Variants in THOC2 observed in about 807,000 individuals in gnomAD.
THOC2 encodes THO complex subunit 2.
A neutral mutation model predicts 128.4 loss-of-function variants in THOC2; 10 were observed. The observed-to-expected ratio is 0.08, with a 90% CI of 0.05 to 0.13. The LOEUF (loss-of-function observed/expected upper bound fraction) is 0.13. THOC2 is among the 10% of genes least tolerant of loss of function. The pLI is 1.00. For missense variants in THOC2, 535 were observed against 1,155.7 expected, an observed-to-expected ratio of 0.46 and a Z score of 7.79; for synonymous variants, 393 against 396.9, an observed-to-expected ratio of 0.99 and a Z score of 0.12.
At chrX:123,619,513 G>A in intron 32 of THOC2, 77 bp from the exon 33 acceptor site, 1 of 1,145,173 alleles carries the variant, frequency 8.7e-7, no homozygotes. Context: ...AAGTATGGCT[G>A]TAACCTGGAA....
At chrX:123,690,812 C>T (rs2050190625) in intron 7 of THOC2, among the ~76,000 whole-genome samples, 1 of 111,638 alleles carries the variant, frequency 9.0e-6, no homozygotes, top group African/African-American at 3.2e-5. Context: ...TCTTTAGAAG[C>T]TAATAAAAAT....
At chrX:123,666,207 A>T (rs191711727) in intron 11 of THOC2, among the ~76,000 whole-genome samples, 1 of 112,447 alleles carries the variant, frequency 8.9e-6, no homozygotes, top group East Asian at 2.8e-4. Flanking sequence ...ATGGGCAACA[A>T]GGGATGGACC....
intron 1 of THOC2, among the ~76,000 whole-genome samples, chrX:123,717,749 A>G (rs1268322428): frequency 9.0e-6 from 1 of 110,632 alleles, no homozygotes; most frequent in African/African-American, 3.3e-5. Flanking sequence ...GAAAAAAGCT[A>G]AAGTATCACA....
In THOC2 at chrX:123,655,031, C is replaced by T. The variant is rs745356550; in HGVS notation, c.1387-9656G>A. 2.7e-5 allele frequency among the ~76,000 whole-genome samples: 3 copies of T among 110,308 alleles called. No homozygotes were observed. In the Admixed American group the frequency reaches 2.9e-4, roughly 11 times the overall value. On this transcript the variant is annotated intron_variant, in intron 12 of 38. Coordinates refer to ENST00000245838, the MANE Select transcript of THOC2 (RefSeq NM_001081550.2). ...TTACTAATGATCTATTTTTCGTATC[C>T]CTGCCCCTTGAACATTTCAAACACT... is the stretch of plus-strand genomic sequence containing the variant.
intron 1 of THOC2, among the ~76,000 whole-genome samples, chrX:123,716,558 T>C (rs1447991753): frequency 9.1e-6 from 1 of 109,855 alleles, no homozygotes; most frequent in Non-Finnish European, 1.9e-5. Flanking sequence ...TCTCCGTCTC[T>C]ACTAAAAATA....
chrX:123,695,492 C>T (rs1603307699), intron 7 of THOC2, among the ~76,000 whole-genome samples: 1 of 111,886 alleles, frequency 8.9e-6, no homozygotes, highest in Admixed American at 9.5e-5. Context: ...CTTTAAAAGG[C>T]TACTATAAAG....
At chrX:123,724,634 A>G (rs150663082) in intron 1 of THOC2, among the ~76,000 whole-genome samples, 1,159 of 111,822 alleles carry the variant, frequency 0.01, 8 homozygotes, top group Middle Eastern at 0.032. Context: ...GCAGTGAGCC[A>G]AGACTGCATC....
At chrX:123,643,110 G>A (rs1603263446) in intron 15 of THOC2, among the ~76,000 whole-genome samples, 1 of 111,460 alleles carries the variant, frequency 9.0e-6, no homozygotes, top group African/African-American at 3.3e-5. Flanking sequence ...CAGATGGAAA[G>A]GGGGAAAGGA....
intron 4 of THOC2, among the ~76,000 whole-genome samples, chrX:123,700,603 A>G (rs1400745844): frequency 9.4e-6 from 1 of 106,748 alleles, no homozygotes; most frequent in African/African-American, 3.4e-5. Context: ...GTGCAGCACT[A>G]ATTTCCCTTG....
At chrX:123,688,395 T>C (rs1196536311) in intron 7 of THOC2, among the ~76,000 whole-genome samples, 2 of 112,118 alleles carry the variant, frequency 1.8e-5, no homozygotes, top group African/African-American at 3.2e-5. Flanking sequence ...CGATTCCATT[T>C]ATAGACAAAT....
At position 123,696,729 on chromosome X, in the gene THOC2, T is replaced by C; in HGVS notation, c.459A>G (p.Thr153=). ...AAGATACGTGTACTTACAAGAGTTT[T>C]GTCTTGATTTTAACTGACTTTTGAT... is the stretch of plus-strand genomic sequence containing the variant. The part of the protein sequence containing the change: ...QFNQKSVKIK[T]KLFYKQQKFN... Residue 153 remains threonine (T), a synonymous_variant, in exon 6 of 39, where the codon ACA becomes ACG. Transcript: ENST00000245838. 8.3e-7 allele frequency: 1 copy of C among 1,203,306 alleles called. No homozygotes were observed. Among genetic ancestry groups the C allele is most frequent in the Non-Finnish European group, 1.1e-6 (1 of 891,563 alleles).
intron 15 of THOC2, among the ~76,000 whole-genome samples, chrX:123,643,380 A>G (rs772333831): frequency 8.9e-6 from 1 of 111,931 alleles, no homozygotes; most frequent in East Asian, 2.8e-4. Context: ...ATATACAACT[A>G]TAATACACCA....
intron 26 of THOC2, 121 bp downstream of exon 26, chrX:123,624,419 TA>T: frequency 1.2e-6 from 1 of 836,259 alleles, no homozygotes; most frequent in Non-Finnish European, 1.7e-6. Flanking sequence ...ATTGTGCTTA[TA>T]AACACAGTTT....
intron 9 of THOC2, 125 bp from the exon 10 acceptor site, chrX:123,668,439 G>T: frequency 2.4e-6 from 1 of 411,255 alleles, no homozygotes; most frequent in Non-Finnish European, 3.9e-6. Context: ...GTGACCATTT[G>T]CCTTCTAAGT....
intron 28 of THOC2, 94 bp from the exon 29 acceptor site, chrX:123,623,377 T>C (rs1411072942): frequency 4.5e-6 from 4 of 880,320 alleles, no homozygotes; most frequent in Non-Finnish European, 4.7e-6. Context: ...TTATTCATTC[T>C]ACTATGTGGT....
chrX:123,630,651 G>A (rs752168925), intron 22 of THOC2, among the ~76,000 whole-genome samples: 5 of 105,472 alleles, frequency 4.7e-5, no homozygotes, highest in South Asian at 4.5e-4. Flanking sequence ...TCTGGGCAGC[G>A]TTTGGCTGAA....
intron 4 of THOC2, among the ~76,000 whole-genome samples, chrX:123,698,645 C>T (rs1038286186): frequency 9.2e-6 from 1 of 108,547 alleles, no homozygotes; most frequent in African/African-American, 3.4e-5. Context: ...GAGGCCGAAG[C>T]GGGTGGATCA....
At chrX:123,708,018 G>C (rs2051009604) in intron 2 of THOC2, among the ~76,000 whole-genome samples, 1 of 108,291 alleles carries the variant, frequency 9.2e-6, no homozygotes, top group South Asian at 3.9e-4. Flanking sequence ...TGTTATGCCA[G>C]GTACTCAGGA....
chrX:123,682,745 C>T (rs1248855081), intron 8 of THOC2, among the ~76,000 whole-genome samples: 5 of 111,647 alleles, frequency 4.5e-5, no homozygotes, highest in Non-Finnish European at 7.5e-5. Flanking sequence ...ACAGATATAG[C>T]CTCAGTACCT....
Sources: gnomAD v4.1 joint callset for allele counts (sites outside exome capture counted in the v4.1 genomes callset) on GRCh38, gnomAD v4.1.1 for gene constraint, MANE v1.5 for transcripts, NCBI Gene and HGNC (gene_info 2026-07-23, HGNC 2026-07-21) for gene names.